Variants in TMEFF2 observed in about 807,000 individuals in gnomAD.
TMEFF2 encodes the protein transmembrane protein with EGF like and two follistatin like domains 2, also known as tomoregulin-2.
Under a neutral mutation model 53.8 loss-of-function variants are expected in TMEFF2, and 28 were observed. The observed-to-expected ratio is 0.52, with a 90% confidence interval of 0.39 to 0.71. The LOEUF (loss-of-function observed/expected upper bound fraction) is 0.71. Among genes scored for constraint, TMEFF2 ranks in the 30% least tolerant of loss-of-function variants. The pLI is 0.00. For synonymous variants in TMEFF2, 162 were observed against 166.3 expected, an observed-to-expected ratio of 0.97 and a Z score of 0.20; for missense variants, 353 against 455.2, an observed-to-expected ratio of 0.78 and a Z score of 2.04.
chr2:192,040,142 A>G (rs1223291407), intron 5 of TMEFF2, among the ~76,000 whole-genome samples: 1 of 152,110 alleles, frequency 6.6e-6, no homozygotes, highest in Non-Finnish European at 1.5e-5. Context: ...TGGTAAAAGT[A>G]TTTCTTGATG....
chr2:192,008,551 C>A (rs1465689955), intron 5 of TMEFF2, among the ~76,000 whole-genome samples: 1 of 152,138 alleles, frequency 6.6e-6, no homozygotes, highest in Non-Finnish European at 1.5e-5. Context: ...TATTCAATAA[C>A]CAAGGGTAAC....
chr2:191,995,529 T>C (rs1460585818), intron 7 of TMEFF2, among the ~76,000 whole-genome samples: 1 of 151,978 alleles, frequency 6.6e-6, no homozygotes, highest in Non-Finnish European at 1.5e-5. Context: ...CTTGGACAGA[T>C]TTTAGCATAT....
intron 4 of TMEFF2, among the ~76,000 whole-genome samples, chr2:192,143,091 A>G (rs1690174677): frequency 6.6e-6 from 1 of 152,166 alleles, no homozygotes; most frequent in Admixed American, 6.6e-5. Flanking sequence ...CAGGACAACT[A>G]TTAGAGAAAT....
intron 7 of TMEFF2, among the ~76,000 whole-genome samples, chr2:191,964,398 C>CTCTTTCTT (rs58502767): frequency 2.9e-4 from 15 of 51,766 alleles, no homozygotes; most frequent in African/African-American, 4.3e-4. Flanking sequence ...TTCTTTCTTT[C>CTCTTTCTT]TCTTTCTTTC....
At chr2:192,077,917 T>G (rs1688469949) in intron 4 of TMEFF2, among the ~76,000 whole-genome samples, 1 of 152,096 alleles carries the variant, frequency 6.6e-6, no homozygotes, top group Non-Finnish European at 1.5e-5. Flanking sequence ...TAAATCTGAC[T>G]CCTTGCCACC....
At chr2:191,973,888 C>A (rs916572284) in intron 7 of TMEFF2, among the ~76,000 whole-genome samples, 2 of 152,142 alleles carry the variant, frequency 1.3e-5, no homozygotes, top group African/African-American at 2.4e-5. Flanking sequence ...TCCTTGCTGT[C>A]ACCATGTGAA....
intron 5 of TMEFF2, among the ~76,000 whole-genome samples, chr2:192,023,117 C>A (rs982668027): frequency 6.6e-6 from 1 of 152,100 alleles, no homozygotes; most frequent in Non-Finnish European, 1.5e-5. Flanking sequence ...TGTTTTCTTG[C>A]ACACTGGCCA....
At chr2:192,006,060 CT>C (rs56336479) in intron 5 of TMEFF2, among the ~76,000 whole-genome samples, 1,775 of 139,976 alleles carry the variant, frequency 0.013, 24 homozygotes, top group African/African-American at 0.041. Context: ...TCTCAGGTGA[CT>C]TTTTTTTTTT....
At chr2:192,117,143 G>A (rs1410422913) in intron 4 of TMEFF2, among the ~76,000 whole-genome samples, 1 of 152,088 alleles carries the variant, frequency 6.6e-6, no homozygotes, top group Non-Finnish European at 1.5e-5. Context: ...CAGAATGTCT[G>A]TAATCAGATG....
At chr2:192,168,306 A>T (rs1690820276) in intron 4 of TMEFF2, among the ~76,000 whole-genome samples, 1 of 152,084 alleles carries the variant, frequency 6.6e-6, no homozygotes, top group South Asian at 2.1e-4. Flanking sequence ...AACTCCTTGA[A>T]TATTCCAAAA....
At chr2:191,990,297 A>G (rs532177817) in intron 7 of TMEFF2, among the ~76,000 whole-genome samples, 1 of 152,308 alleles carries the variant, frequency 6.6e-6, no homozygotes, top group African/African-American at 2.4e-5. Flanking sequence ...ATGTTTATAT[A>G]TAGTTTCAAA....
chr2:192,048,990 A>T (rs1687695262), intron 5 of TMEFF2, among the ~76,000 whole-genome samples: 1 of 152,262 alleles, frequency 6.6e-6, no homozygotes, highest in African/African-American at 2.4e-5. Context: ...ACTACAAAGA[A>T]ATATATTTTA....
At chr2:192,044,387 T>G (rs1574320585) in intron 5 of TMEFF2, 1 of 152,198 alleles carries the variant, frequency 6.6e-6, no homozygotes, top group Non-Finnish European at 1.5e-5. Context: ...GCATGTGAGA[T>G]ATTACTTCTA....
At chr2:192,182,078 G>T (rs904613769) in intron 3 of TMEFF2, among the ~76,000 whole-genome samples, 1 of 151,598 alleles carries the variant, frequency 6.6e-6, no homozygotes, top group Non-Finnish European at 1.5e-5. Context: ...TTAAATTGAC[G>T]GTAAGACCAT....
chr2:192,036,468 T>C (rs1261006288), intron 5 of TMEFF2: 2 of 152,234 alleles, frequency 1.3e-5, no homozygotes, highest in African/African-American at 2.4e-5. Context: ...GGGATGATGA[T>C]GATATTCTGG....
At chr2:191,986,164 A>G (rs1318067204) in intron 7 of TMEFF2, among the ~76,000 whole-genome samples, 2 of 152,228 alleles carry the variant, frequency 1.3e-5, no homozygotes, top group Non-Finnish European at 2.9e-5. Context: ...AAGGCTTACA[A>G]AAATGTATAA....
chr2:192,155,969 T>TA (rs1690497152), intron 4 of TMEFF2, among the ~76,000 whole-genome samples: 1 of 151,692 alleles, frequency 6.6e-6, no homozygotes. Context: ...GCATATGGCT[T>TA]AATGCTCTTG....
chr2:191,966,788 C>G (rs1397610195), intron 7 of TMEFF2, among the ~76,000 whole-genome samples: 1 of 152,036 alleles, frequency 6.6e-6, no homozygotes, highest in East Asian at 1.9e-4. Context: ...ATGCTAAACA[C>G]CACAATTAGC....
At chr2:192,008,866 A>G (rs934005846) in intron 5 of TMEFF2, among the ~76,000 whole-genome samples, 1 of 152,192 alleles carries the variant, frequency 6.6e-6, no homozygotes, top group African/African-American at 2.4e-5. Flanking sequence ...ACTTGACAAA[A>G]GGCTTTTAGG....
Sources: allele counts gnomAD v4.1 joint callset (sites outside exome capture counted in the v4.1 genomes callset), GRCh38; gene constraint gnomAD v4.1.1; transcripts MANE v1.5; gene names NCBI Gene and HGNC (gene_info 2026-07-23, HGNC 2026-07-21).